PDCD11: variants seen among roughly 807,000 people sequenced by gnomAD.
PDCD11 encodes the protein programmed cell death 11.
PDCD11 carries 97 observed loss-of-function variants against 198.9 expected under a neutral mutation model. The ratio of observed to expected loss-of-function variants is 0.49; its 90% confidence interval spans 0.41 to 0.58. The LOEUF is 0.58. Ranked by LOEUF, PDCD11 falls within the 20% of genes least tolerant of loss-of-function variation. The probability of loss-of-function intolerance (pLI) is 0.00; values close to 1 mark genes in which losing one functional copy is unlikely to be tolerated. For missense variants in PDCD11, 2,102 were observed against 2,312.7 expected (o/e 0.91, Z 1.87); for synonymous variants, 893 against 918.0 (o/e 0.97, Z 0.49).
chr10:103,405,913 C>T, intron 5 of PDCD11, 72 bp from the exon 6 acceptor site: 1 of 1,535,332 alleles, frequency 6.5e-7, no homozygotes, highest in Non-Finnish European at 8.9e-7. Flanking sequence ...CAGGAACATT[C>T]AAGTTTGGAT....
In PDCD11 at chr10:103,403,301, A is replaced by T; in HGVS notation, c.402+16A>T. Reference sequence around the variant, plus strand: ...ACCTCTGAAGGTAAGGGAAATCCGAATGAAGCCTGTTATTGAAAATAAGTG... The same window carrying T: ...ACCTCTGAAGGTAAGGGAAATCCGATTGAAGCCTGTTATTGAAAATAAGTG... On this transcript the variant is annotated intron_variant, in intron 4 of 35. Coordinates refer to ENST00000369797, the MANE Select transcript of PDCD11 (RefSeq NM_014976.2). 2 of 1,603,860 alleles carry T rather than the reference A, an allele frequency of 1.2e-6. No individual in the cohort carries two copies.
Position 103,438,916 on chromosome 10 carries a change from G to C in PDCD11, c.4025+108G>C, listed in dbSNP as rs549021623. ...AACTTCTTTGATGGGAATATGAAGG[G>C]AGGAGAGTTTATGAGTCCCCACTCA... On this transcript the variant is annotated intron_variant, in intron 27 of 35. Coordinates refer to ENST00000369797, the MANE Select transcript of PDCD11 (RefSeq NM_014976.2). 7.5e-6 allele frequency: 9 copies of C among 1,205,188 alleles called. No individual in the cohort carries two copies. In the South Asian group the frequency reaches 1.2e-4, roughly 17 times the overall value. The allele number at this position is 1,205,188 out of a possible 1,614,324, so 74.7% of individuals were successfully genotyped here. A position where few individuals can be genotyped will look rare whatever the true frequency, so the allele number is the denominator to read the frequency against.
rs1592141571 is a variant in PDCD11 at position 103,440,183 on chromosome 10, G to T, written c.4149-107G>T. The T allele has an allele frequency of 1.4e-5, 21 of 1,483,960 alleles. No individual in the cohort carries two copies. In the East Asian group the frequency reaches 4.8e-4, roughly 34 times the overall value. 91.9% of individuals were successfully genotyped at this position (1,483,960 alleles called of 1,614,324 possible). Reference sequence around the variant, plus strand: ...TGAAAGGACTCCCAAGGCAGATGGGGGCAGGGCCCAGAATCGTGGGCTGAT... The same window carrying T: ...TGAAAGGACTCCCAAGGCAGATGGGTGCAGGGCCCAGAATCGTGGGCTGAT... On this transcript the variant is annotated intron_variant, in intron 28 of 35. Coordinates refer to ENST00000369797, the MANE Select transcript of PDCD11 (RefSeq NM_014976.2).
Position 103,432,158 on chromosome 10 carries a change from ACACT to A in PDCD11, c.3404_3407del (p.His1135LeufsTer21), listed in dbSNP as rs1200139554. The A allele has an allele frequency of 6.2e-7, 1 of 1,613,792 alleles. No homozygotes were observed. The highest frequency in any genetic ancestry group is 1.3e-5 in the African/African-American group (1 of 74,914). The stretch of plus-strand genomic sequence containing the variant: ...CTGGAGGATGGCCACACTGCTCTTA[ACACT>A]CACTCTGTTAGCCCCATGGAGAAGA... On this transcript the variant is annotated frameshift_variant, in exon 22 of 36. Transcript: ENST00000369797. LOFTEE classifies it high-confidence loss of function.
At chr10:103,427,606 ATCAATTTAAAGCCTGGTTTCAGT>A (rs1259014135) in intron 21 of PDCD11, among the ~76,000 whole-genome samples, 12 of 152,240 alleles carry the variant, frequency 7.9e-5, no homozygotes, top group African/African-American at 2.7e-4. Flanking sequence ...GGTTTTAAGT[ATCAATTTAAAGCCTGGTTTCAGT>A]TCTGTTTGTC....
In PDCD11 at chr10:103,405,850, T is replaced by C. The variant is rs575892144; in HGVS notation, c.565-135T>C. On this transcript the variant is annotated intron_variant, in intron 5 of 35. Transcript: ENST00000369797. Reference sequence around the variant, plus strand: ...TGATGTCTGCTGTCTAGTGGGATTGTGGCTTAAGGTTTAATGTGGGAGTGG... The same window carrying C: ...TGATGTCTGCTGTCTAGTGGGATTGCGGCTTAAGGTTTAATGTGGGAGTGG... 14 of 902,490 alleles carry C rather than the reference T, an allele frequency of 1.6e-5. No individual in the cohort carries two copies. In the South Asian group the frequency reaches 2.2e-4, roughly 14 times the overall value. 55.9% of individuals were successfully genotyped at this position (902,490 alleles called of 1,614,324 possible).
At position 103,444,596 on chromosome 10, in the gene PDCD11, C is replaced by T. The variant is rs1429825386; in HGVS notation, c.5358C>T (p.Asn1786=). 6.2e-7 allele frequency: 1 copy of T among 1,614,164 alleles called. No homozygotes were observed. Among genetic ancestry groups the T allele is most frequent in the South Asian group, 1.1e-5 (1 of 91,080 alleles). The change falls in exon 35 of 36, where the codon AAC becomes AAT. Residue 1786 remains asparagine, a synonymous_variant. Transcript: ENST00000369797. The part of the protein sequence containing the change: ...DAERAKAIFE[N]TLSTYPKRTD... ...AGCGGGCCAAAGCCATTTTTGAGAA[C>T]ACGCTGAGCACCTACCCAAAGCGCA...
Position 103,415,010 on chromosome 10 carries a change from A to G in PDCD11, c.1377A>G (p.Thr459=). ...DIEPGAVVKG[T]VLTIKSYGML... Reference sequence around the variant, plus strand: ...CTTATCTTTGGATTCTCTAGGGCACAGTGCTAACCATAAAGTCATATGGGA... The same window carrying G: ...CTTATCTTTGGATTCTCTAGGGCACGGTGCTAACCATAAAGTCATATGGGA... The change falls in exon 12 of 36, where the codon ACA becomes ACG. Residue 459 remains threonine (T), a synonymous_variant. Coordinates refer to ENST00000369797, the MANE Select transcript of PDCD11 (RefSeq NM_014976.2). The G allele has an allele frequency of 6.2e-7, 1 of 1,614,184 alleles. No individual in the cohort carries two copies. Among genetic ancestry groups the G allele is most frequent in the Non-Finnish European group, 8.5e-7 (1 of 1,180,028 alleles).
At position 103,425,125 on chromosome 10, in the gene PDCD11, A is replaced by C; in HGVS notation, c.2905A>C (p.Lys969Gln). Residue 969 changes from lysine to glutamine, a missense_variant, in exon 20 of 36, where the codon AAA becomes CAA. Transcript: ENST00000369797. ...LNDTFRFDSE[K>Q]LQVGQGVSLT... Reference sequence around the variant, plus strand: ...CGACACCTTCCGCTTTGACTCAGAGAAATTGCAGGTGGGACAGGGTGTCTC... The same window carrying C: ...CGACACCTTCCGCTTTGACTCAGAGCAATTGCAGGTGGGACAGGGTGTCTC... 6.2e-7 allele frequency: 1 copy of C among 1,614,144 alleles called. No individual in the cohort carries two copies. The highest frequency in any genetic ancestry group is 8.5e-7 in the Non-Finnish European group (1 of 1,180,024).
chr10:103,441,683 C>G, intron 30 of PDCD11, 143 bp from the exon 31 acceptor site: 1 of 705,188 alleles, frequency 1.4e-6, no homozygotes. Context: ...GGGCTGGGGC[C>G]TGGCATGGCC....
intron 35 of PDCD11, 134 bp from the exon 36 acceptor site, chr10:103,445,244 G>C: frequency 1.3e-6 from 1 of 758,278 alleles, no homozygotes; most frequent in South Asian, 1.6e-5. Flanking sequence ...GATTAATAAA[G>C]ATAATGGTAG....
chr10:103,408,422 C>T (rs979649771), intron 7 of PDCD11, among the ~76,000 whole-genome samples: 1 of 152,056 alleles, frequency 6.6e-6, no homozygotes, highest in African/African-American at 2.4e-5. Context: ...TTCCAATTCT[C>T]TAGGAAGTTT....
In PDCD11 at chr10:103,440,730, T is replaced by TCA. The variant is rs1564778570; in HGVS notation, c.4441-3_4441-2dup. On this transcript the variant is annotated splice_polypyrimidine_tract_variant and splice_region_variant and intron_variant, in intron 29 of 35. Coordinates refer to ENST00000369797, the MANE Select transcript of PDCD11 (RefSeq NM_014976.2). ...CCTAGGCATTCTCCCACCTGGCCTC[T>TCA]CAGGAAAGAGTGAGCAAGAAGCCAA... 6.2e-7 allele frequency: 1 copy of TCA among 1,614,072 alleles called. No individual in the cohort carries two copies. The highest frequency in any genetic ancestry group is 1.7e-5 in the Admixed American group (1 of 60,014).
At chr10:103,441,226 T>A (rs550461918) in intron 30 of PDCD11, among the ~76,000 whole-genome samples, 1 of 152,186 alleles carries the variant, frequency 6.6e-6, no homozygotes, top group Non-Finnish European at 1.5e-5. Context: ...CTCAGAATTA[T>A]TGTCATCTCT....
At chr10:103,418,340 T>C (rs2031232123) in intron 14 of PDCD11, 100 bp from the exon 15 acceptor site, 2 of 937,362 alleles carry the variant, frequency 2.1e-6, no homozygotes, top group Non-Finnish European at 3.3e-6. Context: ...TTAGAGATCC[T>C]TGGTGCCGGA....
intron 6 of PDCD11, among the ~76,000 whole-genome samples, chr10:103,406,374 C>G (rs947575266): frequency 6.6e-6 from 1 of 152,160 alleles, no homozygotes; most frequent in African/African-American, 2.4e-5. Context: ...CCCATGGCTT[C>G]TGAACCAGCA....
At chr10:103,402,344 T>C (rs1052684275) in intron 3 of PDCD11, among the ~76,000 whole-genome samples, 13 of 152,240 alleles carry the variant, frequency 8.5e-5, no homozygotes, top group Non-Finnish European at 8.8e-5. Context: ...CCTTTTACAG[T>C]GCTCGGTCAG....
intron 8 of PDCD11, among the ~76,000 whole-genome samples, chr10:103,410,042 C>T (rs781662289): frequency 2.0e-5 from 3 of 152,294 alleles, no homozygotes; most frequent in Non-Finnish European, 4.4e-5. Flanking sequence ...CAAGACTAGC[C>T]TGGCCAACAT....
rs771821413 is a variant in PDCD11 at position 103,444,622 on chromosome 10, C to T, written c.5384C>T (p.Thr1795Ile). ...ACGCTGAGCACCTACCCAAAGCGCA[C>T]AGATGTCTGGTCGGTCTATATCGAC... ...ENTLSTYPKR[T>I]DVWSVYIDMT... The change falls in exon 35 of 36, where the codon ACA becomes ATA. Residue 1795 changes from threonine (T) to isoleucine (I), a missense_variant. By Grantham distance (89) the Thr-to-Ile change is moderately conservative. Transcript: ENST00000369797. 42 of 1,614,090 alleles carry T rather than the reference C, an allele frequency of 2.6e-5. 1 individual carries two copies. In the South Asian group the frequency reaches 4.3e-4, roughly 16 times the overall value.
Sources: allele counts gnomAD v4.1 joint callset (sites outside exome capture counted in the v4.1 genomes callset), GRCh38; gene constraint gnomAD v4.1.1; transcripts MANE v1.5; gene names NCBI Gene and HGNC (gene_info 2026-07-23, HGNC 2026-07-21).